CEP350: variants seen among roughly 807,000 people sequenced by gnomAD.
CEP350 encodes centrosome-associated protein 350.
CEP350 carries 126 observed loss-of-function variants against 331.8 expected under a neutral mutation model. The ratio of observed to expected loss-of-function variants is 0.38; its 90% confidence interval spans 0.33 to 0.44. CEP350 has a LOEUF of 0.44. CEP350 is among the 20% of genes least tolerant of loss of function. The pLI, the probability that CEP350 is intolerant of heterozygous loss-of-function variation, is 1.00. For missense variants in CEP350, 3,406 were observed against 3,634.6 expected, an observed-to-expected ratio of 0.94 and a Z score of 1.62; for synonymous variants, 1,200 against 1,259.5, an observed-to-expected ratio of 0.95 and a Z score of 1.00.
At chr1:180,041,954 AC>A (rs1656786721) in intron 19 of CEP350, among the ~76,000 whole-genome samples, 152 bp downstream of exon 19, 1 of 152,194 alleles carries the variant, frequency 6.6e-6, no homozygotes. Flanking sequence ...AATAAGAGGC[AC>A]CATTGATTGG....
Position 180,093,340 on chromosome 1 carries a change from G to T in CEP350, c.7235G>T (p.Cys2412Phe), listed in dbSNP as rs1660302476. ...TCACTCAGGAAAGACTCTCAGTCTT[G>T]CAGAGATAAGCCACAGCCAATGAGG... is the stretch of plus-strand genomic sequence containing the variant. ...LLSLRKDSQS[C>F]RDKPQPMRSS... Residue 2412 changes from cysteine (C) to phenylalanine (F), a missense_variant, in exon 34 of 38, where the codon TGC becomes TTC. Coordinates refer to ENST00000367607, the MANE Select transcript of CEP350 (RefSeq NM_014810.5). 2 of 1,599,006 alleles carry T rather than the reference G, an allele frequency of 1.3e-6. No homozygotes were observed. Among genetic ancestry groups the T allele is most frequent in the Admixed American group, 1.7e-5 (1 of 57,202 alleles).
chr1:180,039,174 C>T (rs906688228), intron 17 of CEP350, among the ~76,000 whole-genome samples: 11 of 150,728 alleles, frequency 7.3e-5, no homozygotes, highest in African/African-American at 2.7e-4. Context: ...GCAGGAGAAT[C>T]GCTTGAGTCT....
At chr1:180,022,023 C>T (rs1655354739) in intron 12 of CEP350, among the ~76,000 whole-genome samples, 1 of 152,098 alleles carries the variant, frequency 6.6e-6, no homozygotes, top group African/African-American at 2.4e-5. Context: ...TTGGAAATTT[C>T]CCCTCTATAT....
intron 27 of CEP350, among the ~76,000 whole-genome samples, chr1:180,067,107 T>G (rs1393231651): frequency 1.3e-5 from 2 of 152,216 alleles, no homozygotes; most frequent in African/African-American, 4.8e-5. Flanking sequence ...TGATTTAAAA[T>G]TTTAAAAATC....
At chr1:180,063,812 C>CAA (rs71118431) in intron 26 of CEP350, among the ~76,000 whole-genome samples, 20 of 150,910 alleles carry the variant, frequency 1.3e-4, no homozygotes, top group South Asian at 4.2e-4. Context: ...GACCCTGTCT[C>CAA]AAAAAAAAAT....
Position 180,022,725 on chromosome 1 carries a change from C to A in CEP350, c.3263C>A (p.Thr1088Lys), listed in dbSNP as rs73034403. 6.8e-6 allele frequency: 11 copies of A among 1,612,464 alleles called. No individual in the cohort carries two copies. The highest frequency in any genetic ancestry group is 9.3e-6 in the Non-Finnish European group (11 of 1,179,210). Residue 1088 changes from threonine (T) to lysine (K), a missense_variant, in exon 13 of 38, where the codon ACA (threonine) becomes AAA (lysine). Around this residue, in one of 5 missense-constraint regions of CEP350, gnomAD observed 1,857 missense variants for 1,909.2 expected, o/e 0.97. Coordinates refer to ENST00000367607, the MANE Select transcript of CEP350 (RefSeq NM_014810.5). ...KGFEDKLDRG[T>K]STSRPLNATA... is the part of the protein sequence containing the mutation. ...TTTGAAGACAAGTTGGACAGAGGAA[C>A]ATCAACATCACGGCCTTTGAATGCC...
rs1660295481 is a variant in CEP350 at position 180,093,170 on chromosome 1, C to T, written c.7065C>T (p.Asn2355=). The change falls in exon 34 of 38, where the codon AAC becomes AAT. Residue 2355 remains asparagine, a synonymous_variant. Transcript: ENST00000367607. ...QSGKDIHEQK[N]TKEKDLSWSE... The stretch of plus-strand genomic sequence containing the variant: ...GAAAAGACATTCACGAACAAAAGAA[C>T]ACAAAGGAAAAAGATTTGTCTTGGT... The T allele has an allele frequency of 6.3e-7, 1 of 1,598,088 alleles. No homozygotes were observed. Among genetic ancestry groups the T allele is most frequent in the South Asian group, 1.1e-5 (1 of 88,652 alleles).
rs755691673 is a variant in CEP350, at chr1:180,013,856, T to C, written c.1403T>C (p.Ile468Thr). Residue 468 changes from isoleucine to threonine, a missense_variant, in exon 10 of 38, where the codon ATT (isoleucine) becomes ACT (threonine). Around this residue, in one of 5 missense-constraint regions of CEP350, gnomAD observed 1,857 missense variants for 1,909.2 expected, o/e 0.97. Transcript: ENST00000367607. ...AGTTCATACTTTGCAGGGGGTCACA[T>C]TGGAAGAGCAGAATCTGATCCCAGG... is the stretch of plus-strand genomic sequence containing the variant. ...RERTAKSGGH[I>T]GRAESDPRLD... 7.5e-6 allele frequency: 12 copies of C among 1,607,640 alleles called. No individual in the cohort carries two copies. In the East Asian group the frequency reaches 1.1e-4, roughly 15 times the overall value.
intron 17 of CEP350, among the ~76,000 whole-genome samples, chr1:180,038,530 AT>A (rs1426753382): frequency 2.3e-4 from 35 of 152,196 alleles, no homozygotes; most frequent in Admixed American, 1.4e-3. Context: ...AGTTGTCTGT[AT>A]CCCTGCTATC....
In CEP350 at chr1:180,041,700, A is replaced by G. The variant is rs146388944; in HGVS notation, c.4260A>G (p.Gln1420=). ...AESLQQVVQS[Q]REVTEVLQEA... is the part of the protein sequence containing the mutation. ...CATTACAGCAGGTGGTTCAATCACA[A>G]CGGGAAGTAACTGAAGTCCTGCAGG... is the stretch of plus-strand genomic sequence containing the variant. The change falls in exon 19 of 38, where the codon CAA becomes CAG. Residue 1420 remains glutamine (Q), a synonymous_variant. Coordinates refer to ENST00000367607, the MANE Select transcript of CEP350 (RefSeq NM_014810.5). The G allele has an allele frequency of 7.4e-6, 12 of 1,613,674 alleles. No homozygotes were observed. The highest frequency in any genetic ancestry group is 3.3e-5 in the South Asian group (3 of 91,050).
intron 1 of CEP350, among the ~76,000 whole-genome samples, chr1:179,975,882 G>T (rs550085209): frequency 1.3e-5 from 2 of 152,270 alleles, no homozygotes; most frequent in South Asian, 4.1e-4. Flanking sequence ...GGTTGCCTGG[G>T]TAGAAGGAGC....
chr1:180,029,943 A>G (rs143795875), intron 14 of CEP350, among the ~76,000 whole-genome samples: 1 of 151,904 alleles, frequency 6.6e-6, no homozygotes, highest in Non-Finnish European at 1.5e-5. Context: ...GGCTTATTTC[A>G]CTTAGCATAA....
chr1:179,969,422 A>G (rs1366809662), intron 1 of CEP350: 13 of 506,098 alleles, frequency 2.6e-5, no homozygotes, highest in Admixed American at 2.4e-4. Context: ...GCAGTTTCCT[A>G]CTAAAGACTG....
intron 33 of CEP350, 80 bp from the exon 34 acceptor site, chr1:180,092,534 C>A: frequency 8.7e-7 from 1 of 1,154,654 alleles, no homozygotes; most frequent in Non-Finnish European, 1.2e-6. Flanking sequence ...TAAAATTTGG[C>A]TTTTCTCTAA....
chr1:179,961,996 C>G (rs1650663819), intron 1 of CEP350, among the ~76,000 whole-genome samples: 1 of 151,954 alleles, frequency 6.6e-6, no homozygotes, highest in Non-Finnish European at 1.5e-5. Flanking sequence ...CAGGTACGAG[C>G]CACCATGCCC....
chr1:180,065,069 A>G (rs769483021), intron 26 of CEP350, 46 bp from the exon 27 acceptor site: 2 of 1,525,450 alleles, frequency 1.3e-6, no homozygotes, highest in African/African-American at 1.4e-5. Context: ...GATGGCTTCA[A>G]GGTCCTATTA....
chr1:179,986,214 A>T lies in CEP350; in HGVS notation c.33A>T (p.Leu11Phe). 6.4e-7 allele frequency: 1 copy of T among 1,551,434 alleles called. No homozygotes were observed. Among genetic ancestry groups the T allele is most frequent in the South Asian group, 1.2e-5 (1 of 83,974 alleles). ...GCAGCAAATCAAAAGAGGTGCCTTTACCAAATCCAAGGAACTCTCAAAGCA... is the reference window on the plus strand; with the variant it reads ...GCAGCAAATCAAAAGAGGTGCCTTTTCCAAATCCAAGGAACTCTCAAAGCA... MRSSKSKEVP[L>F]PNPRNSQSKD... is the part of the protein sequence containing the mutation. The change falls in exon 2 of 38, where the codon TTA (leucine) becomes TTT (phenylalanine). Residue 11 changes from leucine (L) to phenylalanine (F), a missense_variant. Physicochemically the swap from Leu to Phe is conservative, Grantham distance 22. Coordinates refer to ENST00000367607, the MANE Select transcript of CEP350 (RefSeq NM_014810.5).
At chr1:180,046,133 T>C (rs1261468949) in intron 21 of CEP350, among the ~76,000 whole-genome samples, 1 of 152,210 alleles carries the variant, frequency 6.6e-6, no homozygotes, top group Non-Finnish European at 1.5e-5. Flanking sequence ...GACCACCCTA[T>C]GTGTACATGT....
intron 7 of CEP350, among the ~76,000 whole-genome samples, chr1:180,004,401 T>C (rs576041739): frequency 6.6e-6 from 1 of 152,320 alleles, no homozygotes; most frequent in African/African-American, 2.4e-5. Context: ...GTTGCCTTTC[T>C]TTTGCATGAT....
Sources: gnomAD v4.1 joint callset for allele counts (sites outside exome capture counted in the v4.1 genomes callset) on GRCh38, gnomAD v4.1.1 for gene constraint, gnomAD v4.1.1 regional missense constraint, MANE v1.5 for transcripts, NCBI Gene and HGNC (gene_info 2026-07-23, HGNC 2026-07-21) for gene names.